The following RASA2 variants were observed in gnomAD, a reference collection of about 807,000 sequenced individuals.
RASA2 encodes the protein ras GTPase-activating protein 2.
In RASA2, 155 loss-of-function variants were observed where a neutral mutation model predicts 118.2. The observed-to-expected ratio is 1.31, with a 90% confidence interval of 1.15 to 1.50. RASA2 has a LOEUF of 1.50. Among genes scored for constraint, RASA2 ranks in the 40% most tolerant of loss-of-function variants. The pLI is 0.00. For missense variants in RASA2, 1,016 were observed against 1,009.6 expected, an observed-to-expected ratio of 1.01 and a Z score of -0.09; for synonymous variants, 353 against 349.1, an observed-to-expected ratio of 1.01 and a Z score of -0.12.
At chr3:141,575,675 A>T (rs557745718) in intron 14 of RASA2, among the ~76,000 whole-genome samples, 140 of 149,110 alleles carry the variant, frequency 9.4e-4, no homozygotes, top group Middle Eastern at 3.4e-3. Flanking sequence ...TCCAAACTAC[A>T]TGCTGCCATT....
intron 3 of RASA2, among the ~76,000 whole-genome samples, chr3:141,517,697 A>T (rs975584506): frequency 2.0e-5 from 3 of 152,058 alleles, no homozygotes; most frequent in African/African-American, 7.2e-5. Context: ...TCTGTCGCCC[A>T]GGCTGGAGTT....
In RASA2 at chr3:141,566,382, A is replaced by T. The variant is rs79680093; in HGVS notation, c.864-4530A>T. Among the ~76,000 whole-genome samples, 1,089 of 152,354 alleles carry T rather than the reference A, an allele frequency of 7.1e-3. 15 individuals are homozygous for T. Among genetic ancestry groups the T allele is most frequent in the African/African-American group, 0.025 (1,044 of 41,590 alleles). On this transcript the variant is annotated intron_variant, in intron 9 of 23. Coordinates refer to ENST00000286364, the MANE Select transcript of RASA2 (RefSeq NM_006506.5). ...CTACCAATATAGAGGAAATACAGAG[A>T]GGATGAAGGAATATGGTAAATGACA...
At chr3:141,495,827 A>G (rs2081694365) in intron 1 of RASA2, among the ~76,000 whole-genome samples, 1 of 152,232 alleles carries the variant, frequency 6.6e-6, no homozygotes, top group Admixed American at 6.5e-5. Flanking sequence ...ATCGGTAGGA[A>G]AATGGATAAT....
At chr3:141,575,518 C>T (rs1265763706) in intron 14 of RASA2, among the ~76,000 whole-genome samples, 1 of 152,220 alleles carries the variant, frequency 6.6e-6, no homozygotes. Flanking sequence ...CCTCCATTGT[C>T]TCCTGTTCTC....
intron 2 of RASA2, 46 bp from the exon 3 acceptor site, chr3:141,516,282 T>C: frequency 8.2e-7 from 1 of 1,219,414 alleles, no homozygotes; most frequent in Non-Finnish European, 1.1e-6. Flanking sequence ...TTAATTATTA[T>C]TTATTTTATA....
chr3:141,494,601 T>G (rs1577634087), intron 1 of RASA2, among the ~76,000 whole-genome samples: 1 of 152,312 alleles, frequency 6.6e-6, no homozygotes, highest in East Asian at 1.9e-4. Context: ...TCTCCTGATC[T>G]CGTGATCTGC....
In RASA2 at chr3:141,581,189, T is replaced by C; in HGVS notation, c.1752+12T>C. The C allele has an allele frequency of 1.4e-6, 2 of 1,461,232 alleles. No homozygotes were observed. The highest frequency in any genetic ancestry group is 1.8e-6 in the Non-Finnish European group (2 of 1,103,040). 90.5% of individuals were successfully genotyped at this position (1,461,232 alleles called of 1,614,324 possible). On this transcript the variant is annotated intron_variant, in intron 17 of 23. Transcript: ENST00000286364. ...TAGCAGTTAAAAAGGTATGATGGTT[T>C]TATTCTGGAATTGTTAATATTTATT...
At chr3:141,577,828 A>G (rs1423860556) in intron 15 of RASA2, among the ~76,000 whole-genome samples, 1 of 152,188 alleles carries the variant, frequency 6.6e-6, no homozygotes, top group East Asian at 1.9e-4. Flanking sequence ...TCTTAAGCAT[A>G]TAAACTTTGT....
chr3:141,576,947 CTT>C (rs1467226858), intron 14 of RASA2, 51 bp from the exon 15 acceptor site: 1 of 1,201,234 alleles, frequency 8.3e-7, no homozygotes, highest in African/African-American at 1.6e-5. Context: ...AATTTATCAT[CTT>C]TGTTTTTTAA....
Position 141,581,087 on chromosome 3 carries a change from T to A in RASA2, c.1675-13T>A. On this transcript the variant is annotated splice_polypyrimidine_tract_variant and intron_variant, in intron 16 of 23. Transcript: ENST00000286364. The stretch of plus-strand genomic sequence containing the variant: ...ATTTAACACATATAAACCCTGTGTT[T>A]GTTTTTTCTTAGTCAAGTTTCAAAG... The A allele has an allele frequency of 6.6e-7, 1 of 1,515,790 alleles. No homozygotes were observed. The highest frequency in any genetic ancestry group is 8.8e-7 in the Non-Finnish European group (1 of 1,140,130). The allele number at this position is 1,515,790 out of a possible 1,614,324, so 93.9% of individuals were successfully genotyped here. A position where few individuals can be genotyped will look rare whatever the true frequency, so the allele number is the denominator to read the frequency against.
intron 5 of RASA2, among the ~76,000 whole-genome samples, chr3:141,551,810 A>G (rs1259467880): frequency 6.6e-6 from 1 of 151,954 alleles, no homozygotes; most frequent in African/African-American, 2.4e-5. Context: ...TGTTTATAAT[A>G]TTTTCTTACC....
intron 1 of RASA2, among the ~76,000 whole-genome samples, chr3:141,498,855 G>A (rs762699274): frequency 6.6e-6 from 1 of 152,104 alleles, no homozygotes; most frequent in African/African-American, 2.4e-5. Flanking sequence ...GTAGCTATAG[G>A]TACCATTGGC....
At chr3:141,575,713 T>C in intron 14 of RASA2, among the ~76,000 whole-genome samples, 1 of 152,250 alleles carries the variant, frequency 6.6e-6, no homozygotes, top group Non-Finnish European at 1.5e-5. Context: ...ACTGGTGATC[T>C]TGGCCTTAAA....
intron 14 of RASA2, among the ~76,000 whole-genome samples, chr3:141,575,882 CT>C (rs1446786279): frequency 6.6e-6 from 1 of 152,120 alleles, no homozygotes; most frequent in Non-Finnish European, 1.5e-5. Flanking sequence ...GCAACTCCGC[CT>C]CCCAGGTTTC....
intron 4 of RASA2, among the ~76,000 whole-genome samples, chr3:141,537,956 C>T (rs1170249423): frequency 6.6e-6 from 1 of 151,926 alleles, no homozygotes; most frequent in Non-Finnish European, 1.5e-5. Context: ...GGTATATTTC[C>T]TCTAGAGAAG....
intron 19 of RASA2, among the ~76,000 whole-genome samples, chr3:141,600,021 T>C (rs2083439274): frequency 6.6e-6 from 1 of 152,238 alleles, no homozygotes; most frequent in African/African-American, 2.4e-5. Context: ...GTGTGGAAGT[T>C]ACTTACGTTT....
chr3:141,527,081 C>T (rs1181175123), intron 3 of RASA2, among the ~76,000 whole-genome samples: 1 of 152,050 alleles, frequency 6.6e-6, no homozygotes, highest in African/African-American at 2.4e-5. Flanking sequence ...GTTAGGGAAG[C>T]CTGGAAATCA....
chr3:141,551,050 T>A (rs2151111670), intron 5 of RASA2, among the ~76,000 whole-genome samples: 1 of 152,356 alleles, frequency 6.6e-6, no homozygotes, highest in East Asian at 1.9e-4. Flanking sequence ...TCTTTGTCAT[T>A]TCTGATTCTG....
chr3:141,488,184 GT>G (rs2081601650), intron 1 of RASA2, among the ~76,000 whole-genome samples: 1 of 151,940 alleles, frequency 6.6e-6, no homozygotes, highest in Non-Finnish European at 1.5e-5. Flanking sequence ...TTTCACAGTG[GT>G]TTATTTAGAT....
Sources: gnomAD v4.1 joint callset for allele counts (sites outside exome capture counted in the v4.1 genomes callset) on GRCh38, gnomAD v4.1.1 for gene constraint, MANE v1.5 for transcripts, NCBI Gene and HGNC (gene_info 2026-07-23, HGNC 2026-07-21) for gene names.